RBFOX1: variants seen among roughly 807,000 people sequenced by gnomAD.
RBFOX1 encodes RNA binding protein fox-1 homolog 1.
RBFOX1 carries 8 observed loss-of-function variants against 57.7 expected under a neutral mutation model. The ratio of observed to expected loss-of-function variants is 0.14; its 90% CI spans 0.08 to 0.25. The LOEUF (loss-of-function observed/expected upper bound fraction) is 0.25, where lower values mean the gene tolerates loss of function less well. Among genes scored for constraint, RBFOX1 ranks in the 10% least tolerant of loss-of-function variants. The pLI, the probability that RBFOX1 is intolerant of heterozygous loss-of-function variation, is 1.00. For missense variants in RBFOX1, 611 were observed against 548.5 expected, an observed-to-expected ratio of 1.11 and a Z score of -1.14; for synonymous variants, 326 against 222.4, an observed-to-expected ratio of 1.47 and a Z score of -4.15.
chr16:7,124,743 C>G (rs1389345055), intron 4 of RBFOX1, among the ~76,000 whole-genome samples: 1 of 151,862 alleles, frequency 6.6e-6, no homozygotes, highest in African/African-American at 2.4e-5. Context: ...AGGTAGCTGG[C>G]TTTAGTTCAG....
intron 2 of RBFOX1, among the ~76,000 whole-genome samples, chr16:6,588,976 C>G (rs2153985599): frequency 6.6e-6 from 1 of 152,280 alleles, no homozygotes; most frequent in Non-Finnish European, 1.5e-5. Flanking sequence ...TGCATCTGTA[C>G]TTTGATACTA....
chr16:5,812,799 A>G (rs183202510), intron 3 of RBFOX1, among the ~76,000 whole-genome samples: 1 of 152,254 alleles, frequency 6.6e-6, no homozygotes, highest in African/African-American at 2.4e-5. Flanking sequence ...TTACAGGTAT[A>G]TACGGGTATA....
At chr16:5,682,084 G>C (rs1158494418) in intron 3 of RBFOX1, among the ~76,000 whole-genome samples, 1 of 152,318 alleles carries the variant, frequency 6.6e-6, no homozygotes, top group South Asian at 2.1e-4. Flanking sequence ...ACTTATGTAG[G>C]ACAGCATTAC....
chr16:5,697,616 C>G (rs1346213488), intron 3 of RBFOX1, among the ~76,000 whole-genome samples: 3 of 151,164 alleles, frequency 2.0e-5, no homozygotes, highest in Admixed American at 6.6e-5. Flanking sequence ...TCACTGCAAC[C>G]TCTGCTTCCC....
intron 1 of RBFOX1, among the ~76,000 whole-genome samples, chr16:5,461,525 G>T (rs1257307171): frequency 6.6e-6 from 1 of 152,190 alleles, no homozygotes; most frequent in Non-Finnish European, 1.5e-5. Flanking sequence ...GTTTCATGCA[G>T]TTTTTTCTTC....
intron 3 of RBFOX1, among the ~76,000 whole-genome samples, chr16:5,842,770 C>T (rs1289052797): frequency 6.6e-6 from 1 of 152,056 alleles, no homozygotes; most frequent in Non-Finnish European, 1.5e-5. Flanking sequence ...TGAACAGCTA[C>T]TGTGTACCAA....
At position 6,470,105 on chromosome 16, in the gene RBFOX1, C is replaced by A. The variant is rs996507826; in HGVS notation, c.-64+153048C>A. Among the ~76,000 whole-genome samples, 9 of 152,134 alleles carry A rather than the reference C, an allele frequency of 5.9e-5. No individual in the cohort carries two copies. In the East Asian group the frequency reaches 1.7e-3, roughly 29 times the overall value. ...AACCAGAATGCTTTGCCACTGTATC[C>A]TCATTCATTTAAAATAGAGTATATA... is the stretch of plus-strand genomic sequence containing the variant. On this transcript the variant is annotated intron_variant, in intron 2 of 15. Transcript: ENST00000550418.
intron 14 of RBFOX1, among the ~76,000 whole-genome samples, chr16:7,677,039 C>T (rs1281373877): frequency 6.6e-6 from 1 of 151,922 alleles, no homozygotes; most frequent in African/African-American, 2.4e-5. Flanking sequence ...ACTACTCTCT[C>T]TGCTGAGACA....
At chr16:6,293,980 TA>T (rs1457811363) in intron 1 of RBFOX1, among the ~76,000 whole-genome samples, 3 of 152,164 alleles carry the variant, frequency 2.0e-5, no homozygotes, top group Admixed American at 6.5e-5. Flanking sequence ...AATAAAGATG[TA>T]ATGTTTGCCT....
chr16:6,251,167 C>G lies in RBFOX1; in HGVS notation c.-126-65828C>G, dbSNP rs537742674. Among the ~76,000 whole-genome samples, 5 of 152,312 alleles carry G rather than the reference C, an allele frequency of 3.3e-5. No individual in the cohort carries two copies. The South Asian group carries it at 8.3e-4, about 25-fold the overall frequency. On this transcript the variant is annotated intron_variant, in intron 1 of 15. Coordinates refer to ENST00000550418, the MANE Select transcript of RBFOX1 (RefSeq NM_018723.4). ...CAACAACCCTACAGTAATAATAACA[C>G]TAGCACTTATTTGGCATTTACTATG...
intron 3 of RBFOX1, among the ~76,000 whole-genome samples, chr16:6,805,901 T>C (rs1316605146): frequency 6.6e-6 from 1 of 152,216 alleles, no homozygotes; most frequent in African/African-American, 2.4e-5. Flanking sequence ...TTACTTTCCC[T>C]GTTGTATCTT....
chr16:5,836,581 A>G (rs1186476098), intron 3 of RBFOX1, among the ~76,000 whole-genome samples: 1 of 152,120 alleles, frequency 6.6e-6, no homozygotes, highest in East Asian at 1.9e-4. Flanking sequence ...CCTTCCAGGC[A>G]CATCTCAAAT....
chr16:6,716,652 C>T (rs559579834), intron 3 of RBFOX1, among the ~76,000 whole-genome samples: 9 of 152,296 alleles, frequency 5.9e-5, no homozygotes, highest in African/African-American at 2.2e-4. Flanking sequence ...CAGGTATCTG[C>T]CCATGACTCA....
chr16:7,671,753 A>C (rs891646562), intron 13 of RBFOX1, among the ~76,000 whole-genome samples: 8 of 152,292 alleles, frequency 5.3e-5, no homozygotes, highest in Admixed American at 5.2e-4. Flanking sequence ...GAAATCTCCT[A>C]GAATAGAGGT....
chr16:5,970,717 G>T (rs56112937), intron 4 of RBFOX1, among the ~76,000 whole-genome samples: 26,359 of 152,102 alleles, frequency 0.17, 3,398 homozygotes, highest in East Asian at 0.46. Context: ...TTCTTTTAGA[G>T]AAAGGACCCT....
In RBFOX1 at chr16:6,558,022, A is replaced by C. The variant is rs535417035; in HGVS notation, c.-63-96581A>C. 1.0e-3 allele frequency among the ~76,000 whole-genome samples: 157 copies of C among 152,272 alleles called. 5 individuals are homozygous for C. The South Asian group carries it at 0.032, about 31-fold the overall frequency. The stretch of plus-strand genomic sequence containing the variant: ...TGTCACTGTGAAACATTTTCTAGGA[A>C]AATTGAGATCTATTTTTCATAAATT... On this transcript the variant is annotated intron_variant, in intron 2 of 15. Coordinates refer to ENST00000550418, the MANE Select transcript of RBFOX1 (RefSeq NM_018723.4).
At chr16:6,170,090 A>G (rs1381865286) in intron 1 of RBFOX1, among the ~76,000 whole-genome samples, 1 of 152,152 alleles carries the variant, frequency 6.6e-6, no homozygotes, top group Non-Finnish European at 1.5e-5. Flanking sequence ...GTTTGTCCAC[A>G]AGGACTCAAA....
At chr16:6,100,510 T>C (rs1214863304) in intron 1 of RBFOX1, among the ~76,000 whole-genome samples, 1 of 152,184 alleles carries the variant, frequency 6.6e-6, no homozygotes, top group African/African-American at 2.4e-5. Context: ...CTGAGCTTCC[T>C]CCACACACTA....
intron 2 of RBFOX1, among the ~76,000 whole-genome samples, chr16:5,596,034 C>T (rs1444379376): frequency 6.6e-6 from 1 of 152,050 alleles, no homozygotes; most frequent in Admixed American, 6.5e-5. Context: ...AAGTGCGGCA[C>T]AATGAGAGAT....
Sources: allele counts gnomAD v4.1 joint callset (sites outside exome capture counted in the v4.1 genomes callset), GRCh38; gene constraint gnomAD v4.1.1; transcripts MANE v1.5; gene names NCBI Gene and HGNC (gene_info 2026-07-23, HGNC 2026-07-21).